Variants in CACHD1 observed in about 807,000 individuals in gnomAD.
CACHD1 encodes the protein cache domain containing 1.
In CACHD1, 71 loss-of-function variants were observed where a neutral mutation model predicts 138.7. The ratio of observed to expected loss-of-function variants is 0.51; its 90% confidence interval spans 0.42 to 0.62. CACHD1 has a LOEUF of 0.62. CACHD1 is among the 20% of genes least tolerant of loss of function. CACHD1 has a pLI of 0.00. For synonymous variants in CACHD1, 578 were observed against 591.5 expected (o/e 0.98, Z 0.33); for missense variants, 1,389 against 1,625.3 (o/e 0.85, Z 2.50).
intron 3 of CACHD1, among the ~76,000 whole-genome samples, chr1:64,602,525 G>A (rs1442196506): frequency 9.8e-6 from 1 of 102,244 alleles, no homozygotes; most frequent in Non-Finnish European, 2.1e-5. Flanking sequence ...TTTTCTGTAT[G>A]ATTTTATCAG....
chr1:64,546,128 G>A (rs1646716337), intron 1 of CACHD1, among the ~76,000 whole-genome samples: 1 of 152,102 alleles, frequency 6.6e-6, no homozygotes, highest in Non-Finnish European at 1.5e-5. Flanking sequence ...GACTCCCTTG[G>A]GGTTGTGTTC....
intron 3 of CACHD1, among the ~76,000 whole-genome samples, chr1:64,589,190 G>T (rs565585301): frequency 6.6e-6 from 1 of 152,086 alleles, no homozygotes; most frequent in Non-Finnish European, 1.5e-5. Flanking sequence ...TCTTTGAGTT[G>T]GGGCATCCAC....
chr1:64,681,002 C>T (rs1055759192), intron 24 of CACHD1, among the ~76,000 whole-genome samples: 1 of 152,090 alleles, frequency 6.6e-6, no homozygotes, highest in Non-Finnish European at 1.5e-5. Flanking sequence ...ATTTGTTGGC[C>T]TCAATCAACT....
In CACHD1 at chr1:64,470,902, G is replaced by A. The variant is rs1203752137; in HGVS notation, c.158G>A (p.Arg53Gln). The change falls in exon 1 of 27, where the codon CGG becomes CAG. Residue 53 changes from arginine to glutamine, a missense_variant. Transcript: ENST00000651257. This position sits in a 1 kb window ranked among gnomAD's most constrained non-coding sequence, Gnocchi z 5.2. ...GCGCAAGTGCTGGCGAGCCAGATGC[G>A]GAGGCTGGCGGCCGAGGAGCTGGGG... ...DEAQVLASQMRRLAAEELGVV... is the reference protein window; with the variant it reads ...DEAQVLASQMQRLAAEELGVV... 8 of 1,608,794 alleles carry A rather than the reference G, an allele frequency of 5.0e-6. No individual in the cohort carries two copies. The highest frequency in any genetic ancestry group is 1.7e-5 in the Admixed American group (1 of 59,634).
intron 26 of CACHD1, among the ~76,000 whole-genome samples, chr1:64,689,755 C>T (rs1650483440): frequency 1.3e-5 from 2 of 152,188 alleles, no homozygotes; most frequent in South Asian, 4.1e-4. Flanking sequence ...ACCTCTATGG[C>T]TGTGGTCATC....
At chr1:64,594,264 A>AAT (rs1647132280) in intron 3 of CACHD1, among the ~76,000 whole-genome samples, 1 of 151,632 alleles carries the variant, frequency 6.6e-6, no homozygotes, top group Non-Finnish European at 1.5e-5. Context: ...AAAAAAAAAA[A>AAT]AAAAAGAAAG....
chr1:64,604,106 T>C (rs1207680399), intron 4 of CACHD1, among the ~76,000 whole-genome samples: 2 of 152,158 alleles, frequency 1.3e-5, no homozygotes, highest in African/African-American at 2.4e-5. Context: ...AGGGCCCCAG[T>C]AGGTCTCAGT....
intron 25 of CACHD1, among the ~76,000 whole-genome samples, chr1:64,681,574 G>A (rs1214390500): frequency 2.4e-5 from 2 of 83,384 alleles, no homozygotes; most frequent in Non-Finnish European, 3.9e-5. Context: ...TGCATTAAGT[G>A]TGTTGGCCTA....
At chr1:64,618,067 T>A in intron 4 of CACHD1, among the ~76,000 whole-genome samples, 1 of 117,394 alleles carries the variant, frequency 8.5e-6, no homozygotes. Context: ...GCAACAAGAG[T>A]GAAACTCAGT....
Position 64,680,345 on chromosome 1 carries a change from C to T in CACHD1, c.3406+589C>T, listed in dbSNP as rs375444635. Among the ~76,000 whole-genome samples, 90 of 152,116 alleles carry T rather than the reference C, an allele frequency of 5.9e-4. No homozygotes were observed. The East Asian group carries it at 6.2e-3, about 10-fold the overall frequency. The stretch of plus-strand genomic sequence containing the variant: ...CTCTACTAAAAATACAAAAACTAGC[C>T]GGTGCGGTGGCACCTACCCGTGGTC... On this transcript the variant is annotated intron_variant, in intron 24 of 26. Coordinates refer to ENST00000651257, the MANE Select transcript of CACHD1 (RefSeq NM_020925.4).
rs147094205 is a variant in CACHD1 at position 64,548,121 on chromosome 1, C to T, written c.199-2473C>T. ...CAAAACACAGCCTCCTGAACCCTTC[C>T]GGGCATATATTCTTTATTACTACTG... On this transcript the variant is annotated intron_variant, in intron 1 of 26. Coordinates refer to ENST00000651257, the MANE Select transcript of CACHD1 (RefSeq NM_020925.4). Among the ~76,000 whole-genome samples, 16 of 152,246 alleles carry T rather than the reference C, an allele frequency of 1.1e-4. No homozygotes were observed. The East Asian group carries it at 1.2e-3, about 11-fold the overall frequency.
At chr1:64,602,491 C>A in intron 3 of CACHD1, among the ~76,000 whole-genome samples, 1 of 51,646 alleles carries the variant, frequency 1.9e-5, no homozygotes, top group South Asian at 6.2e-4. Context: ...TTTTTTGTAG[C>A]TCTATTTTGA....
At chr1:64,640,167 C>G (rs915865186) in intron 7 of CACHD1, among the ~76,000 whole-genome samples, 2 of 152,122 alleles carry the variant, frequency 1.3e-5, no homozygotes, top group African/African-American at 4.8e-5. Context: ...AAGTGACTCA[C>G]TAAATCCAGC....
intron 1 of CACHD1, among the ~76,000 whole-genome samples, chr1:64,549,230 G>T (rs916890538): frequency 1.3e-5 from 2 of 152,102 alleles, no homozygotes; most frequent in Admixed American, 6.5e-5. Flanking sequence ...ATAAATAAAT[G>T]TAATGTGCTT....
chr1:64,566,479 T>TCCCAC (rs1553133820), intron 2 of CACHD1, among the ~76,000 whole-genome samples: 5 of 120,646 alleles, frequency 4.1e-5, no homozygotes, highest in Non-Finnish European at 1.8e-5. Context: ...TGTTTTCAAT[T>TCCCAC]CCCCCCCCCC....
intron 7 of CACHD1, among the ~76,000 whole-genome samples, chr1:64,635,819 A>C (rs534453287): frequency 3.3e-5 from 5 of 151,986 alleles, no homozygotes; most frequent in Admixed American, 6.6e-5. Context: ...ATTTTCAAAA[A>C]TCTGTTTATA....
chr1:64,536,439 T>C (rs1646633209), intron 1 of CACHD1, among the ~76,000 whole-genome samples: 1 of 152,162 alleles, frequency 6.6e-6, no homozygotes, highest in Admixed American at 6.5e-5. Flanking sequence ...CCTTGTTCAG[T>C]AGTTTGGGAT....
At position 64,561,074 on chromosome 1, in the gene CACHD1, GT is replaced by G. The variant is rs200417462; in HGVS notation, c.261+10427del. Reference sequence around the variant, plus strand: ...TATAGATAGCATATAGATGAGACTTGTTTTTTTTTAAATCTATTCTGAAAAT... The same window carrying G: ...TATAGATAGCATATAGATGAGACTTGTTTTTTTTAAATCTATTCTGAAAAT... On this transcript the variant is annotated intron_variant, in intron 2 of 26. Transcript: ENST00000651257. Among the ~76,000 whole-genome samples, 19 of 148,224 alleles carry G rather than the reference GT, an allele frequency of 1.3e-4. 4 individuals are homozygous for G. The highest frequency in any genetic ancestry group is 4.7e-4 in the Admixed American group (7 of 14,890).
At chr1:64,534,486 A>T (rs1646616382) in intron 1 of CACHD1, among the ~76,000 whole-genome samples, 1 of 152,234 alleles carries the variant, frequency 6.6e-6, no homozygotes, top group African/African-American at 2.4e-5. Context: ...TTATATCCCC[A>T]ACTCTGCACA....
Sources: gnomAD v4.1 joint callset for allele counts (sites outside exome capture counted in the v4.1 genomes callset) on GRCh38, gnomAD v4.1.1 for gene constraint, Gnocchi (gnomAD v3.1) non-coding constraint, MANE v1.5 for transcripts, NCBI Gene and HGNC (gene_info 2026-07-23, HGNC 2026-07-21) for gene names.